NALF1: variants seen among roughly 807,000 people sequenced by gnomAD.
NALF1 encodes the protein NALCN channel auxiliary factor 1.
Under a neutral mutation model 48.4 loss-of-function variants are expected in NALF1, and 3 were observed. That is an observed-to-expected ratio of 0.06 (90% confidence interval 0.03 to 0.16). NALF1 has a LOEUF of 0.16. Ranked by LOEUF, NALF1 falls within the 10% of genes least tolerant of loss-of-function variation. The pLI is 1.00. For synonymous variants in NALF1, 262 were observed against 245.7 expected (o/e 1.07, Z -0.62); for missense variants, 526 against 571.5 (o/e 0.92, Z 0.81).
At chr13:107,862,859 G>A (rs923721621) in intron 1 of NALF1, among the ~76,000 whole-genome samples, 11 of 151,438 alleles carry the variant, frequency 7.3e-5, no homozygotes, top group Admixed American at 5.9e-4. Context: ...ATATGTAACC[G>A]GAAAGTAATA....
At chr13:107,220,974 A>T (rs547659900) in intron 1 of NALF1, among the ~76,000 whole-genome samples, 1 of 152,200 alleles carries the variant, frequency 6.6e-6, no homozygotes, top group Non-Finnish European at 1.5e-5. Flanking sequence ...TCAGCCATAA[A>T]AAAAAGAACA....
At chr13:107,218,989 T>G (rs1331750738) in intron 1 of NALF1, among the ~76,000 whole-genome samples, 1 of 152,204 alleles carries the variant, frequency 6.6e-6, no homozygotes, top group African/African-American at 2.4e-5. Context: ...AACCAGTGAA[T>G]TAACTTCACA....
At chr13:107,565,533 C>T (rs1877786374) in intron 1 of NALF1, among the ~76,000 whole-genome samples, 1 of 151,944 alleles carries the variant, frequency 6.6e-6, no homozygotes, top group Admixed American at 6.6e-5. Context: ...AGAAGAAACA[C>T]GAAGATATTT....
intron 1 of NALF1, chr13:107,789,135 T>C (rs1190457472): frequency 2.0e-5 from 3 of 152,106 alleles, no homozygotes; most frequent in African/African-American, 7.2e-5. Flanking sequence ...GAAATAAGAA[T>C]TAGGAAACAC....
intron 1 of NALF1, among the ~76,000 whole-genome samples, chr13:107,843,053 T>C (rs1352292017): frequency 6.6e-6 from 1 of 152,152 alleles, no homozygotes; most frequent in East Asian, 1.9e-4. Flanking sequence ...GCAGTAGAAA[T>C]ACATTTAACA....
chr13:107,280,347 C>G (rs1437088190), intron 1 of NALF1, among the ~76,000 whole-genome samples: 1 of 152,134 alleles, frequency 6.6e-6, no homozygotes, highest in Non-Finnish European at 1.5e-5. Flanking sequence ...CTATTAGTTA[C>G]TTGCACAAAT....
At chr13:107,193,590 T>G (rs920707184) in intron 2 of NALF1, among the ~76,000 whole-genome samples, 2 of 152,084 alleles carry the variant, frequency 1.3e-5, no homozygotes, top group African/African-American at 4.8e-5. Flanking sequence ...GTTCAATGGA[T>G]GCAGTTCAGG....
Position 107,824,056 on chromosome 13 carries a change from TG to T in NALF1, c.915+41625del, listed in dbSNP as rs770461359. On this transcript the variant is annotated intron_variant, in intron 1 of 2. Coordinates refer to ENST00000375915, the MANE Select transcript of NALF1 (RefSeq NM_001080396.3). ...AAGGCTGTTCCTGTTTTCCTTATCC[TG>T]TGTACCAGCTCATGGTATATGGATG... Among the ~76,000 whole-genome samples the T allele has an allele frequency of 6.6e-5, 10 of 152,148 alleles. No homozygotes were observed. In the East Asian group the frequency reaches 1.9e-3, roughly 29 times the overall value.
At chr13:107,561,625 G>A (rs1877648338) in intron 1 of NALF1, among the ~76,000 whole-genome samples, 1 of 152,140 alleles carries the variant, frequency 6.6e-6, no homozygotes, top group East Asian at 1.9e-4. Context: ...AAAACTTTGA[G>A]AACATGCAAA....
intron 2 of NALF1, among the ~76,000 whole-genome samples, chr13:107,178,011 C>G (rs544010419): frequency 6.6e-6 from 1 of 152,128 alleles, no homozygotes; most frequent in East Asian, 1.9e-4. Flanking sequence ...TGTGCCACTG[C>G]ACTCCAGCCT....
At chr13:107,366,154 G>C (rs1283420335) in intron 1 of NALF1, among the ~76,000 whole-genome samples, 1 of 152,180 alleles carries the variant, frequency 6.6e-6, no homozygotes, top group Admixed American at 6.5e-5. Flanking sequence ...GCCAGTGAGA[G>C]AGAGTATAGC....
At chr13:107,286,299 A>G (rs765001563) in intron 1 of NALF1, among the ~76,000 whole-genome samples, 5 of 152,194 alleles carry the variant, frequency 3.3e-5, no homozygotes, top group Non-Finnish European at 7.3e-5. Flanking sequence ...AAACAAATAC[A>G]GGTACACACA....
intron 1 of NALF1, among the ~76,000 whole-genome samples, chr13:107,818,727 C>T (rs552268131): frequency 6.8e-6 from 1 of 147,912 alleles, no homozygotes; most frequent in South Asian, 2.2e-4. Context: ...AAAAAATTAG[C>T]CGGGCGTGGT....
intron 1 of NALF1, among the ~76,000 whole-genome samples, chr13:107,612,029 A>T (rs373130160): frequency 1.0e-3 from 127 of 122,088 alleles, no homozygotes; most frequent in African/African-American, 3.8e-3. Flanking sequence ...AGAGAAAGAA[A>T]GAGGAGGCAG....
intron 1 of NALF1, among the ~76,000 whole-genome samples, chr13:107,473,920 T>G (rs921671444): frequency 1.3e-5 from 2 of 152,138 alleles, no homozygotes; most frequent in African/African-American, 4.8e-5. Context: ...TTCCTGTGCC[T>G]TGTATGTGTT....
intron 2 of NALF1, among the ~76,000 whole-genome samples, chr13:107,204,236 C>T (rs1291101329): frequency 2.7e-5 from 4 of 150,306 alleles, no homozygotes; most frequent in African/African-American, 9.7e-5. Flanking sequence ...AGGTTGTCTT[C>T]CTCTCCCCAC....
At chr13:107,413,025 T>G (rs940448939) in intron 1 of NALF1, among the ~76,000 whole-genome samples, 1 of 152,092 alleles carries the variant, frequency 6.6e-6, no homozygotes, top group Non-Finnish European at 1.5e-5. Flanking sequence ...CATGAAAAAT[T>G]TTAAAATGTA....
rs1594072361 is a variant in NALF1 at position 107,211,879 on chromosome 13, T to G, written c.916-1124A>C. On this transcript the variant is annotated intron_variant, in intron 1 of 2. Coordinates refer to ENST00000375915, the MANE Select transcript of NALF1 (RefSeq NM_001080396.3). ...GCTGTAAACTTTTTTTTCCATGTGATTCTCAGCATGCACTTTTGACCATAA... is the reference window on the plus strand; with the variant it reads ...GCTGTAAACTTTTTTTTCCATGTGAGTCTCAGCATGCACTTTTGACCATAA... Among the ~76,000 whole-genome samples the G allele has an allele frequency of 2.0e-5, 3 of 152,322 alleles. No homozygotes were observed. In the Middle Eastern group the frequency reaches 0.01, roughly 518 times the overall value.
chr13:107,208,541 C>A (rs759796453), intron 2 of NALF1, among the ~76,000 whole-genome samples: 1 of 152,178 alleles, frequency 6.6e-6, no homozygotes, highest in African/African-American at 2.4e-5. Flanking sequence ...GCAAACACCT[C>A]GCCCTTCATT....
Sources: allele counts gnomAD v4.1 joint callset (sites outside exome capture counted in the v4.1 genomes callset), GRCh38; gene constraint gnomAD v4.1.1; transcripts MANE v1.5; gene names NCBI Gene and HGNC (gene_info 2026-07-23, HGNC 2026-07-21).